XPNPEP2: variants seen among roughly 807,000 people sequenced by gnomAD.
XPNPEP2 encodes xaa-Pro aminopeptidase 2.
In XPNPEP2, 64 loss-of-function variants were observed where a neutral mutation model predicts 59.8. The ratio of observed to expected loss-of-function variants is 1.07; its 90% CI spans 0.87 to 1.32. XPNPEP2 has a LOEUF of 1.32. XPNPEP2 is among the 40% of genes most tolerant of loss of function. The pLI is 0.00. For synonymous variants in XPNPEP2, 235 were observed against 210.0 expected (o/e 1.12, Z -1.03); for missense variants, 575 against 546.8 (o/e 1.05, Z -0.51).
At chrX:129,740,325 C>T (rs1250218736) in intron 1 of XPNPEP2, among the ~76,000 whole-genome samples, 1 of 112,677 alleles carries the variant, frequency 8.9e-6, no homozygotes, top group African/African-American at 3.2e-5. Context: ...GCATCTGTAG[C>T]TCAGCCCACT....
chrX:129,768,296 G>A lies in XPNPEP2; in HGVS notation c.1836G>A (p.Gln612=). ...DVSLLSPEHL[Q]YLNRYYQTIR... is the part of the protein sequence containing the mutation. Reference sequence around the variant, plus strand: ...ACCCCTTCTATCCTTCGCAGCTCCAGTACCTGAATCGCTACTACCAGACCA... The same window carrying A: ...ACCCCTTCTATCCTTCGCAGCTCCAATACCTGAATCGCTACTACCAGACCA... Residue 612 remains glutamine (Q), a synonymous_variant, in exon 21 of 21, where the codon CAG becomes CAA. Coordinates refer to ENST00000371106, the MANE Select transcript of XPNPEP2 (RefSeq NM_003399.6). The A allele has an allele frequency of 8.6e-7, 1 of 1,167,809 alleles. No homozygotes were observed. Among genetic ancestry groups the A allele is most frequent in the Non-Finnish European group, 1.1e-6 (1 of 875,789 alleles).
At chrX:129,740,848 A>G (rs1170184936) in intron 1 of XPNPEP2, among the ~76,000 whole-genome samples, 1 of 106,330 alleles carries the variant, frequency 9.4e-6, no homozygotes, top group Non-Finnish European at 1.9e-5. Context: ...AGGCTGAGGC[A>G]GGAGAATCGC....
At chrX:129,759,306 C>T (rs1459940327) in intron 15 of XPNPEP2, 66 bp downstream of exon 15, 1 of 1,161,884 alleles carries the variant, frequency 8.6e-7, no homozygotes, top group African/African-American at 1.8e-5. Context: ...AGTCAAGATC[C>T]CTTCCATTTC....
In XPNPEP2 at chrX:129,746,276, C is replaced by T. The variant is rs367980077; in HGVS notation, c.339C>T (p.Thr113=). 3.4e-5 allele frequency: 41 copies of T among 1,209,667 alleles called. No individual in the cohort carries two copies. Among genetic ancestry groups the T allele is most frequent in the Non-Finnish European group, 4.1e-5 (37 of 895,212 alleles). The change falls in exon 5 of 21, where the codon ACC becomes ACT. Residue 113 remains threonine, a synonymous_variant. Transcript: ENST00000371106. The part of the protein sequence containing the change: ...VVTMKKAAVW[T]DSRYWTQAER... The stretch of plus-strand genomic sequence containing the variant: ...CTATGAAGAAAGCAGCTGTCTGGAC[C>T]GACAGTCGCTACTGGACTCAGGCTG...
intron 17 of XPNPEP2, 137 bp from the exon 18 acceptor site, chrX:129,761,869 G>A (rs1926662707): frequency 3.4e-6 from 2 of 593,556 alleles, no homozygotes; most frequent in East Asian, 3.4e-5. Flanking sequence ...CCAGGCCCAG[G>A]CAGACAATGA....
At chrX:129,745,296 T>C in intron 4 of XPNPEP2, 30 bp downstream of exon 4, 2 of 1,208,649 alleles carry the variant, frequency 1.7e-6, no homozygotes, top group Non-Finnish European at 2.2e-6. Flanking sequence ...CCCATTGCTT[T>C]TGTTGGTAGA....
chrX:129,755,193 G>A, intron 12 of XPNPEP2, 101 bp from the exon 13 acceptor site: 1 of 812,146 alleles, frequency 1.2e-6, no homozygotes, highest in Non-Finnish European at 1.8e-6. Context: ...CAGTTGAGAG[G>A]TAGAGGCAGC....
intron 14 of XPNPEP2, among the ~76,000 whole-genome samples, chrX:129,758,337 G>A (rs1192551623): frequency 9.0e-6 from 1 of 111,213 alleles, no homozygotes; most frequent in East Asian, 2.8e-4. Flanking sequence ...TCAGAGTAGG[G>A]TGAGGCCGGG....
chrX:129,740,917 G>C (rs1926164854), intron 1 of XPNPEP2, among the ~76,000 whole-genome samples: 2 of 104,337 alleles, frequency 1.9e-5, no homozygotes, highest in Admixed American at 2.0e-4. Context: ...ACTCCAGCCT[G>C]GGTGACAGAG....
chrX:129,743,994 T>A lies in XPNPEP2; in HGVS notation c.157T>A (p.Ser53Thr). Residue 53 changes from serine to threonine, a missense_variant, in exon 3 of 21, where the codon TCA (serine) becomes ACA (threonine). Ser to Thr is a moderately conservative substitution (Grantham distance 58, BLOSUM62 1). Transcript: ENST00000371106. ...AGTTACTGTGGTCAATACCACAATG[T>A]CACTCACAGCCCTCCGCCAGCAGAT... ...LPVTVVNTTM[S>T]LTALRQQMQT... The A allele has an allele frequency of 8.3e-7, 1 of 1,211,977 alleles. No individual in the cohort carries two copies. Among genetic ancestry groups the A allele is most frequent in the Non-Finnish European group, 1.1e-6 (1 of 895,541 alleles).
Position 129,761,178 on chromosome X carries a change from T to C in XPNPEP2, c.1505T>C (p.Met502Thr). 1 of 1,211,389 alleles carries C rather than the reference T, an allele frequency of 8.3e-7. No individual in the cohort carries two copies. ...AATCTCTCTTCCCTTCCAGGGCGAA[T>C]GGTGGAGGCCTTTGCCCGCAGAGCC... Reference protein sequence around the residue: ...LIFPAATSGRMVEAFARRALW... With the variant: ...LIFPAATSGRTVEAFARRALW... Residue 502 changes from methionine (M) to threonine (T), a missense_variant, in exon 17 of 21, where the codon ATG (methionine) becomes ACG (threonine). Transcript: ENST00000371106.
rs1308764609 is a variant in XPNPEP2 at position 129,746,651 on chromosome X, G to A, written c.460G>A (p.Val154Met). 2.5e-6 allele frequency: 3 copies of A among 1,210,739 alleles called. No individual in the cohort carries two copies. Among genetic ancestry groups the A allele is most frequent in the Non-Finnish European group, 3.4e-6 (3 of 895,104 alleles). The change falls in exon 6 of 21, where the codon GTG becomes ATG. Residue 154 changes from valine to methionine, a missense_variant. Val to Met is a conservative substitution (Grantham distance 21). Coordinates refer to ENST00000371106, the MANE Select transcript of XPNPEP2 (RefSeq NM_003399.6). ...LLTEIPAGGR[V>M]GFDPFLLSID... ...CACCGAGATTCCTGCTGGAGGGCGTGTGGGTTTTGACCCCTTCCTCTTGTC... is the reference window on the plus strand; with the variant it reads ...CACCGAGATTCCTGCTGGAGGGCGTATGGGTTTTGACCCCTTCCTCTTGTC...
intron 6 of XPNPEP2, among the ~76,000 whole-genome samples, 175 bp from the exon 7 acceptor site, chrX:129,747,431 AC>A (rs1298384722): frequency 5.7e-5 from 6 of 105,916 alleles, no homozygotes; most frequent in Admixed American, 4.0e-4. Context: ...TGAGAAACAT[AC>A]CCCAGCGTGG....
intron 12 of XPNPEP2, 76 bp downstream of exon 12, chrX:129,754,657 C>T: frequency 1.0e-6 from 1 of 960,879 alleles, no homozygotes; most frequent in Non-Finnish European, 1.4e-6. Flanking sequence ...GGAATTTGTC[C>T]CCTTACTTAG....
Position 129,756,539 on chromosome X carries a change from T to C in XPNPEP2, c.1351T>C (p.Ser451Pro). 8.3e-7 allele frequency: 1 copy of C among 1,211,368 alleles called. No individual in the cohort carries two copies. The highest frequency in any genetic ancestry group is 1.1e-6 in the Non-Finnish European group (1 of 895,268). Residue 451 changes from serine (S) to proline (P), a missense_variant, in exon 14 of 21, where the codon TCT (serine) becomes CCT (proline). Transcript: ENST00000371106. ...CTCAGATGAGATGTACCTGCTGGAC[T>C]CTGGGGGGCAGTACTGGTATGTACC... ...LSSDEMYLLDSGGQYWDGTTD... is the reference protein window; with the variant it reads ...LSSDEMYLLDPGGQYWDGTTD...
Position 129,744,021 on chromosome X carries a change from C to A in XPNPEP2, c.184C>A (p.Gln62Lys), listed in dbSNP as rs747617940. ...ACTCACAGCCCTCCGCCAGCAGATG[C>A]AGACCCAGAATCTCTCAGCCTACAT... ...MSLTALRQQM[Q>K]TQNLSAYIIP... The change falls in exon 3 of 21, where the codon CAG becomes AAG. Residue 62 changes from glutamine to lysine, a missense_variant. By Grantham distance (53) the Gln-to-Lys change is moderately conservative. Transcript: ENST00000371106. The A allele has an allele frequency of 8.3e-6, 10 of 1,212,087 alleles. No homozygotes were observed. Among genetic ancestry groups the A allele is most frequent in the Non-Finnish European group, 1.1e-6 (1 of 895,529 alleles).
At chrX:129,745,316 G>A (rs1447418808) in intron 4 of XPNPEP2, 50 bp downstream of exon 4, 1 of 1,185,131 alleles carries the variant, frequency 8.4e-7, no homozygotes, top group South Asian at 1.8e-5. Flanking sequence ...ATCCAGAGGT[G>A]GTCACAGAGG....
At chrX:129,756,357 G>T in intron 13 of XPNPEP2, 127 bp from the exon 14 acceptor site, 1 of 636,383 alleles carries the variant, frequency 1.6e-6, no homozygotes, top group Non-Finnish European at 2.6e-6. Flanking sequence ...GGCCCTTTGG[G>T]ATAGAATGAC....
chrX:129,768,362 A>C lies in XPNPEP2; in HGVS notation c.1902A>C (p.Leu634=). The C allele has an allele frequency of 8.3e-7, 1 of 1,210,054 alleles. No individual in the cohort carries two copies. Among genetic ancestry groups the C allele is most frequent in the African/African-American group, 1.7e-5 (1 of 57,669 alleles). Residue 634 remains leucine (L), a synonymous_variant, in exon 21 of 21, where the codon CTA becomes CTC. Coordinates refer to ENST00000371106, the MANE Select transcript of XPNPEP2 (RefSeq NM_003399.6). ...GTCCAGAGCTGCAGAGGCGCCAGCTACTAGAGGAGTTCGAGTGGCTTCAAC... is the reference window on the plus strand; with the variant it reads ...GTCCAGAGCTGCAGAGGCGCCAGCTCCTAGAGGAGTTCGAGTGGCTTCAAC... ...KVGPELQRRQ[L]LEEFEWLQQH...
Sources: allele counts gnomAD v4.1 joint callset (sites outside exome capture counted in the v4.1 genomes callset), GRCh38; gene constraint gnomAD v4.1.1; transcripts MANE v1.5; gene names NCBI Gene and HGNC (gene_info 2026-07-23, HGNC 2026-07-21).